Variants in KCNMB2 observed in about 807,000 individuals in gnomAD.
The protein encoded by KCNMB2 is calcium-activated potassium channel subunit beta-2.
KCNMB2 carries 9 observed loss-of-function variants against 24.5 expected under a neutral mutation model. The observed-to-expected ratio is 0.37, with a 90% CI of 0.22 to 0.64. The LOEUF (loss-of-function observed/expected upper bound fraction) is 0.64. Among genes scored for constraint, KCNMB2 ranks in the 30% least tolerant of loss-of-function variants. The pLI is 0.63. For synonymous variants in KCNMB2, 109 were observed against 104.4 expected (o/e 1.04, Z -0.27); for missense variants, 226 against 284.3 (o/e 0.79, Z 1.47).
intron 1 of KCNMB2, among the ~76,000 whole-genome samples, chr3:178,686,776 G>A (rs1208547597): frequency 6.6e-6 from 1 of 151,986 alleles, no homozygotes; most frequent in Non-Finnish European, 1.5e-5. Context: ...TAATCAAAGA[G>A]GAAAATGTAG....
chr3:178,576,010 A>G (rs1384181253), intron 1 of KCNMB2, among the ~76,000 whole-genome samples: 4 of 151,960 alleles, frequency 2.6e-5, no homozygotes, highest in African/African-American at 4.8e-5. Context: ...CACCTTTCCT[A>G]TATCACTCTA....
chr3:178,787,086 C>T (rs972744521), intron 1 of KCNMB2, among the ~76,000 whole-genome samples: 2 of 152,048 alleles, frequency 1.3e-5, no homozygotes, highest in East Asian at 1.9e-4. Flanking sequence ...ATAGCTAGTG[C>T]TCTTTCCATG....
rs995024017 is a variant in KCNMB2 at position 178,579,604 on chromosome 3, C to A, written c.-68+42893C>A. Among the ~76,000 whole-genome samples the A allele has an allele frequency of 2.0e-5, 3 of 151,970 alleles. 1 individual carries two copies. The highest frequency in any genetic ancestry group is 7.3e-5 in the African/African-American group (3 of 41,346). On this transcript the variant is annotated intron_variant, in intron 1 of 4. Coordinates refer to ENST00000452583, the MANE Select transcript of KCNMB2 (RefSeq NM_181361.3). ...GAGCTGGTTTATTTGAAAAGATTAA[C>A]AAAATAGATAGACCACTCTCCAGGC... is the stretch of plus-strand genomic sequence containing the variant.
At chr3:178,710,055 G>A (rs1722400000) in intron 1 of KCNMB2, among the ~76,000 whole-genome samples, 2 of 152,138 alleles carry the variant, frequency 1.3e-5, no homozygotes, top group African/African-American at 4.8e-5. Flanking sequence ...AAGCTCCTGT[G>A]TGTACCTATC....
chr3:178,691,836 C>A (rs896701383), intron 1 of KCNMB2, among the ~76,000 whole-genome samples: 2 of 152,178 alleles, frequency 1.3e-5, no homozygotes, highest in African/African-American at 4.8e-5. Context: ...ACACTATCTT[C>A]CATAATTGTT....
chr3:178,679,982 T>C (rs1577092274), intron 1 of KCNMB2, among the ~76,000 whole-genome samples: 1 of 152,066 alleles, frequency 6.6e-6, no homozygotes, highest in Admixed American at 6.6e-5. Flanking sequence ...CCCCAAGCAG[T>C]TGGAGGACAG....
chr3:178,707,868 C>T (rs1436838893), intron 1 of KCNMB2, among the ~76,000 whole-genome samples: 2 of 152,122 alleles, frequency 1.3e-5, no homozygotes, highest in African/African-American at 4.8e-5. Context: ...CTAACCACTA[C>T]TTATATTGTC....
At chr3:178,656,270 C>G (rs1034729848) in intron 1 of KCNMB2, among the ~76,000 whole-genome samples, 3 of 152,110 alleles carry the variant, frequency 2.0e-5, no homozygotes, top group Non-Finnish European at 2.9e-5. Context: ...AAATAAGTCC[C>G]AAAACGATTC....
At chr3:178,769,984 A>C (rs1312306040) in intron 1 of KCNMB2, among the ~76,000 whole-genome samples, 2 of 152,236 alleles carry the variant, frequency 1.3e-5, no homozygotes, top group Admixed American at 1.3e-4. Flanking sequence ...TAATTTATAC[A>C]ATTTATTGTC....
rs541576193 is a variant in KCNMB2 at position 178,708,247 on chromosome 3, C to CA, written c.-67-99094dup. Among the ~76,000 whole-genome samples the CA allele has an allele frequency of 1.5e-4, 23 of 152,172 alleles. No homozygotes were observed. The East Asian group carries it at 4.4e-3, about 29-fold the overall frequency. ...GCTCCAGTGAATGCATATACCCTCA[C>CA]AAGACTGCTCAAGAACAGGGACCAT... On this transcript the variant is annotated intron_variant, in intron 1 of 4. Coordinates refer to ENST00000452583, the MANE Select transcript of KCNMB2 (RefSeq NM_181361.3).
chr3:178,720,013 G>T (rs909693227), intron 1 of KCNMB2, among the ~76,000 whole-genome samples: 2 of 151,842 alleles, frequency 1.3e-5, no homozygotes, highest in African/African-American at 4.8e-5. Flanking sequence ...AAGTTTTAGG[G>T]TACATGTGCA....
intron 1 of KCNMB2, among the ~76,000 whole-genome samples, chr3:178,752,387 C>T (rs1279586616): frequency 6.6e-6 from 1 of 152,134 alleles, no homozygotes; most frequent in Middle Eastern, 3.4e-3. Flanking sequence ...AGCATATGAC[C>T]CATTTTTGGA....
At chr3:178,840,340 G>A (rs918302428) in intron 4 of KCNMB2, among the ~76,000 whole-genome samples, 7 of 152,194 alleles carry the variant, frequency 4.6e-5, no homozygotes, top group Non-Finnish European at 8.8e-5. Flanking sequence ...AGTGCCTGCA[G>A]CTTTTCTAGG....
intron 1 of KCNMB2, among the ~76,000 whole-genome samples, chr3:178,587,023 T>C (rs1043743287): frequency 2.0e-5 from 3 of 152,220 alleles, no homozygotes; most frequent in African/African-American, 7.2e-5. Flanking sequence ...CTTTTATTTT[T>C]CTCCAAATAT....
chr3:178,656,688 G>A (rs201996726), intron 1 of KCNMB2, among the ~76,000 whole-genome samples: 16 of 152,004 alleles, frequency 1.1e-4, no homozygotes, highest in African/African-American at 3.4e-4. Context: ...CAGGAGAATC[G>A]CTTGAACCGG....
At chr3:178,539,505 C>T (rs1715543393) in intron 1 of KCNMB2, among the ~76,000 whole-genome samples, 1 of 152,132 alleles carries the variant, frequency 6.6e-6, no homozygotes, top group Non-Finnish European at 1.5e-5. Flanking sequence ...CTGTTGCCAT[C>T]TTTGTCTGTG....
intron 1 of KCNMB2, among the ~76,000 whole-genome samples, chr3:178,659,034 T>G (rs1235939149): frequency 6.6e-6 from 1 of 152,244 alleles, no homozygotes; most frequent in East Asian, 1.9e-4. Context: ...GAACGGGCTC[T>G]CAGAAGATGC....
intron 2 of KCNMB2, among the ~76,000 whole-genome samples, chr3:178,814,740 T>G (rs972787578): frequency 6.6e-6 from 1 of 152,224 alleles, no homozygotes; most frequent in Non-Finnish European, 1.5e-5. Flanking sequence ...TACTTTTTCA[T>G]GTTTATTGGC....
intron 1 of KCNMB2, among the ~76,000 whole-genome samples, chr3:178,609,734 T>G (rs1224821196): frequency 4.0e-5 from 6 of 151,898 alleles, no homozygotes; most frequent in Non-Finnish European, 7.4e-5. Flanking sequence ...CCTCCCAGGC[T>G]CAAGCAGTCC....
Sources: gnomAD v4.1 joint callset for allele counts (sites outside exome capture counted in the v4.1 genomes callset) on GRCh38, gnomAD v4.1.1 for gene constraint, MANE v1.5 for transcripts, NCBI Gene and HGNC (gene_info 2026-07-23, HGNC 2026-07-21) for gene names.